The following INO80D variants were observed in gnomAD, a reference collection of about 807,000 sequenced individuals.
The protein encoded by INO80D is INO80 complex subunit D.
Under a neutral mutation model 87.6 loss-of-function variants are expected in INO80D, and 21 were observed. The observed-to-expected ratio is 0.24, with a 90% CI of 0.17 to 0.35. The LOEUF is 0.35. Among genes scored for constraint, INO80D ranks in the 10% least tolerant of loss-of-function variants. The pLI is 1.00. For missense variants in INO80D, 982 were observed against 1,280.7 expected, an observed-to-expected ratio of 0.77 and a Z score of 3.56; for synonymous variants, 440 against 491.0, an observed-to-expected ratio of 0.90 and a Z score of 1.37.
At chr2:206,074,134 T>A (rs1362187890) in intron 1 of INO80D, among the ~76,000 whole-genome samples, 1 of 152,180 alleles carries the variant, frequency 6.6e-6, no homozygotes, top group Non-Finnish European at 1.5e-5. Flanking sequence ...GCTTAGCATA[T>A]AAACAGACCT....
In INO80D at chr2:206,000,145, C is replaced by G. The variant is rs1223317391; in HGVS notation, c.*4223G>C. 1 of 151,678 alleles carries G rather than the reference C, an allele frequency of 6.6e-6. No homozygotes were observed. The highest frequency in any genetic ancestry group is 1.5e-5 in the Non-Finnish European group (1 of 67,968). The allele number at this position is 151,678 out of a possible 1,614,324, so 9.4% of individuals were successfully genotyped here. On this transcript the variant is annotated 3_prime_UTR_variant, in exon 11 of 11. Transcript: ENST00000403263. ...AGAGTTCTGTTGACCATTTAGAAGA[C>G]CATAATATTAGATTTCTATATATAC...
chr2:206,060,841 T>A (rs1689670830), intron 3 of INO80D, among the ~76,000 whole-genome samples: 1 of 152,076 alleles, frequency 6.6e-6, no homozygotes, highest in Non-Finnish European at 1.5e-5. Context: ...ATTACAGGCG[T>A]GAGCCACCGT....
At position 205,998,491 on chromosome 2, in the gene INO80D, A is replaced by AT. The variant is rs1217996323; in HGVS notation, c.*5876dup. 1 of 149,674 alleles carries AT rather than the reference A, an allele frequency of 6.7e-6. No individual in the cohort carries two copies. Among genetic ancestry groups the AT allele is most frequent in the Non-Finnish European group, 1.5e-5 (1 of 67,564 alleles). 9.3% of individuals were successfully genotyped at this position (149,674 alleles called of 1,614,324 possible). On this transcript the variant is annotated 3_prime_UTR_variant, in exon 11 of 11. Transcript: ENST00000403263. ...AAAAAAAGCTCATATATATTTAGCT[A>AT]TTAAACACATAGGCAACATAATTCA...
At chr2:206,009,254 G>A (rs1688105811) in intron 9 of INO80D, among the ~76,000 whole-genome samples, 1 of 152,186 alleles carries the variant, frequency 6.6e-6, no homozygotes, top group Non-Finnish European at 1.5e-5. Flanking sequence ...GTTGCAGGGA[G>A]CCGAGATTGC....
chr2:206,046,434 C>T lies in INO80D; in HGVS notation c.1073+70G>A. The T allele has an allele frequency of 7.3e-6, 8 of 1,089,594 alleles. No homozygotes were observed. The South Asian group carries it at 1.0e-4, about 14-fold the overall frequency. The allele number at this position is 1,089,594 out of a possible 1,614,324, so 67.5% of individuals were successfully genotyped here. A position where few individuals can be genotyped will look rare whatever the true frequency, so the allele number is the denominator to read the frequency against. On this transcript the variant is annotated intron_variant, in intron 5 of 10. Coordinates refer to ENST00000403263, the MANE Select transcript of INO80D (RefSeq NM_017759.5). ...AGTAAGCTGAGATCACACCACTGCA[C>T]TCCAGCCTGGGTGACAGAGCGAGAC... is the stretch of plus-strand genomic sequence containing the variant.
Position 206,063,168 on chromosome 2 carries a change from G to A in INO80D, c.-47C>T. 1 of 647,432 alleles carries A rather than the reference G, an allele frequency of 1.5e-6. No homozygotes were observed. Among genetic ancestry groups the A allele is most frequent in the East Asian group, 2.8e-5 (1 of 35,552 alleles). The allele number at this position is 647,432 out of a possible 1,614,324, so 40.1% of individuals were successfully genotyped here. A position where few individuals can be genotyped will look rare whatever the true frequency, so the allele number is the denominator to read the frequency against. On this transcript the variant is annotated 5_prime_UTR_variant, in exon 2 of 11. An upstream open reading frame in the 5' UTR gains an earlier in-frame stop. Transcript: ENST00000403263. ...AGCCATACCTGATTTTAAATCTTCTGCACCATAGCAATGTTAAGAGAACCC... is the reference window on the plus strand; with the variant it reads ...AGCCATACCTGATTTTAAATCTTCTACACCATAGCAATGTTAAGAGAACCC...
chr2:206,067,448 C>A (rs1689849700), intron 1 of INO80D, among the ~76,000 whole-genome samples: 1 of 151,848 alleles, frequency 6.6e-6, no homozygotes, highest in Non-Finnish European at 1.5e-5. Flanking sequence ...TTTTGAATAG[C>A]TAGAAGGAGG....
intron 9 of INO80D, 89 bp from the exon 10 acceptor site, chr2:206,007,530 G>C (rs1688057981): frequency 7.0e-7 from 1 of 1,438,142 alleles, no homozygotes; most frequent in Admixed American, 2.3e-5. Flanking sequence ...ATGAAAAGAA[G>C]CTAACGTCAG....
intron 5 of INO80D, among the ~76,000 whole-genome samples, chr2:206,042,998 A>G (rs1450145375): frequency 6.6e-6 from 1 of 152,220 alleles, no homozygotes; most frequent in Non-Finnish European, 1.5e-5. Context: ...CAAATTCCTT[A>G]TGGCACAATC....
chr2:206,013,386 T>C (rs1313742672), intron 8 of INO80D, among the ~76,000 whole-genome samples: 1 of 151,988 alleles, frequency 6.6e-6, no homozygotes, highest in Admixed American at 6.6e-5. Context: ...ACCTCATCTC[T>C]ACTAAAAATA....
Position 206,019,775 on chromosome 2 carries a change from C to T in INO80D, c.1369G>A (p.Ala457Thr), listed in dbSNP as rs372512152. The change falls in exon 7 of 11, where the codon GCT (alanine) becomes ACT (threonine). Residue 457 changes from alanine to threonine, a missense_variant. Transcript: ENST00000403263. Reference protein sequence around the residue: ...CSGTVKGEQCANKALPFTRHC... With the variant: ...CSGTVKGEQCTNKALPFTRHC... ...CTGGTGAATGGAAGGGCTTTGTTAG[C>T]GCACTGTTCACCCTTCACGGTTCCA... The T allele has an allele frequency of 2.6e-5, 42 of 1,613,680 alleles. No individual in the cohort carries two copies. Among genetic ancestry groups the T allele is most frequent in the South Asian group, 1.1e-4 (10 of 91,014 alleles).
At chr2:206,064,967 GA>G (rs1456142073) in intron 1 of INO80D, among the ~76,000 whole-genome samples, 2 of 151,828 alleles carry the variant, frequency 1.3e-5, no homozygotes, top group Non-Finnish European at 2.9e-5. Flanking sequence ...GAGAATGTAA[GA>G]AAAAAAAGTT....
chr2:206,073,015 T>C (rs150837117), intron 1 of INO80D, among the ~76,000 whole-genome samples: 5 of 152,232 alleles, frequency 3.3e-5, no homozygotes, highest in Admixed American at 2.6e-4. Context: ...TTTTTTAATT[T>C]ATTGTAGAGA....
Position 206,048,145 on chromosome 2 carries a change from G to A in INO80D, c.965-1533C>T, listed in dbSNP as rs191876164. 3.2e-3 allele frequency among the ~76,000 whole-genome samples: 481 copies of A among 152,214 alleles called. 4 individuals carry two copies. The highest frequency in any genetic ancestry group is 0.011 in the African/African-American group (457 of 41,552). On this transcript the variant is annotated intron_variant, in intron 4 of 10. Transcript: ENST00000403263. ...GCTGGGATTACAGGCGTGAGCCACC[G>A]TGCCCAGCCTCTTTCAATTATTTTA... is the stretch of plus-strand genomic sequence containing the variant.
chr2:205,994,554 T>A lies in INO80D; in HGVS notation c.*9814A>T, dbSNP rs1279523460. ...TGCCAAGAGGCTTTTTGTTAAAGGC[T>A]ACTTCTGATATCAGGTTCCAGCTAA... On this transcript the variant is annotated 3_prime_UTR_variant, in exon 11 of 11. Transcript: ENST00000403263. The A allele has an allele frequency of 6.6e-6, 1 of 152,208 alleles. No homozygotes were observed. The highest frequency in any genetic ancestry group is 6.5e-5 in the Admixed American group (1 of 15,282). The allele number at this position is 152,208 out of a possible 1,614,324, so 9.4% of individuals were successfully genotyped here. A position where few individuals can be genotyped will look rare whatever the true frequency, so the allele number is the denominator to read the frequency against.
chr2:205,997,564 G>C lies in INO80D; in HGVS notation c.*6804C>G, dbSNP rs565618488. 6 of 152,030 alleles carry C rather than the reference G, an allele frequency of 3.9e-5. No homozygotes were observed. The highest frequency in any genetic ancestry group is 1.2e-4 in the African/African-American group (5 of 41,424). The allele number at this position is 152,030 out of a possible 1,614,324, so 9.4% of individuals were successfully genotyped here. On this transcript the variant is annotated 3_prime_UTR_variant, in exon 11 of 11. Transcript: ENST00000403263. ...TAATTAACATAAAAAAGATTCAATAGATCTGTGGTCCCATCACCACAATAG... is the reference window on the plus strand; with the variant it reads ...TAATTAACATAAAAAAGATTCAATACATCTGTGGTCCCATCACCACAATAG...
chr2:206,037,770 G>A (rs1469049645), intron 5 of INO80D, among the ~76,000 whole-genome samples: 4 of 152,102 alleles, frequency 2.6e-5, no homozygotes, highest in African/African-American at 9.7e-5. Flanking sequence ...AAATGATACC[G>A]GCACTCATAT....
At position 206,004,902 on chromosome 2, in the gene INO80D, C is replaced by T. The variant is rs374219846; in HGVS notation, c.2550G>A (p.Ser850=). The part of the protein sequence containing the change: ...SDHITSPHTT[S]YSGDNMAATF... ...TAGCTGCCATATTATCACCAGAGTA[C>T]GATGTTGTGTGGGGAGAGGTGATAT... Residue 850 remains serine, a synonymous_variant, in exon 11 of 11, where the codon TCG becomes TCA. Transcript: ENST00000403263. The surrounding 1 kb of genome is among the most constrained non-coding windows in gnomAD (Gnocchi z 4.9). 52 of 1,613,816 alleles carry T rather than the reference C, an allele frequency of 3.2e-5. No homozygotes were observed. The highest frequency in any genetic ancestry group is 1.6e-4 in the Middle Eastern group (1 of 6,082).
At chr2:206,025,909 T>C (rs1449594296) in intron 6 of INO80D, among the ~76,000 whole-genome samples, 1 of 151,980 alleles carries the variant, frequency 6.6e-6, no homozygotes, top group African/African-American at 2.4e-5. Context: ...TTGAAATTTT[T>C]TTTTTTGGAA....
Sources: gnomAD v4.1 joint callset for allele counts (sites outside exome capture counted in the v4.1 genomes callset) on GRCh38, gnomAD v4.1.1 for gene constraint, Gnocchi (gnomAD v3.1) non-coding constraint, MANE v1.5 for transcripts, NCBI Gene and HGNC (gene_info 2026-07-23, HGNC 2026-07-21) for gene names.